The following PHYHIPL variants were observed in gnomAD, a reference collection of about 807,000 sequenced individuals.
The protein encoded by PHYHIPL is phytanoyl-CoA hydroxylase-interacting protein-like.
A neutral mutation model predicts 33.4 loss-of-function variants in PHYHIPL; 9 were observed. The ratio of observed to expected loss-of-function variants is 0.27; its 90% CI spans 0.16 to 0.47. The LOEUF (loss-of-function observed/expected upper bound fraction) is 0.47, where lower values mean the gene tolerates loss of function less well. Ranked by LOEUF, PHYHIPL falls within the 20% of genes least tolerant of loss-of-function variation. PHYHIPL has a pLI of 0.99. For missense variants in PHYHIPL, 365 were observed against 460.7 expected (o/e 0.79, Z 1.90); for synonymous variants, 153 against 154.1 (o/e 0.99, Z 0.05).
intron 1 of PHYHIPL, among the ~76,000 whole-genome samples, chr10:59,183,044 A>G (rs1192958217): frequency 2.0e-5 from 3 of 152,036 alleles, no homozygotes; most frequent in South Asian, 2.1e-4. Flanking sequence ...TCTCTCATAG[A>G]TATTGTTTTA....
intron 1 of PHYHIPL, among the ~76,000 whole-genome samples, chr10:59,227,701 C>G (rs1234113547): frequency 6.6e-6 from 1 of 151,982 alleles, no homozygotes; most frequent in Non-Finnish European, 1.5e-5. Flanking sequence ...AGCTGAAACA[C>G]AATGGTAGAA....
At chr10:59,173,945 T>G (rs1838209707), upstream of PHYHIPL, among the ~76,000 whole-genome samples, 1 of 111,732 alleles carries the variant, frequency 8.9e-6, no homozygotes, top group Non-Finnish European at 1.7e-5. Context: ...TTTTTTTTTT[T>G]TTTTTTTTTT....
intron 1 of PHYHIPL, among the ~76,000 whole-genome samples, chr10:59,201,556 T>C (rs1021530790): frequency 1.3e-5 from 2 of 152,210 alleles, no homozygotes; most frequent in Non-Finnish European, 2.9e-5. Flanking sequence ...TGGAGAGTTC[T>C]GTAGATGTCT....
rs1840745843 is a variant in PHYHIPL, at chr10:59,246,786, A to G, written c.*1195A>G. The G allele has an allele frequency of 5.1e-6, 2 of 394,012 alleles. No homozygotes were observed. The highest frequency in any genetic ancestry group is 9.0e-6 in the Non-Finnish European group (2 of 223,142). 24.4% of individuals were successfully genotyped at this position (394,012 alleles called of 1,614,324 possible). A position where few individuals can be genotyped will look rare whatever the true frequency, so the allele number is the denominator to read the frequency against. On this transcript the variant is annotated 3_prime_UTR_variant, in exon 5 of 5. Coordinates refer to ENST00000373880, the MANE Select transcript of PHYHIPL (RefSeq NM_032439.4). Reference sequence around the variant, plus strand: ...AAATGTATATTCCCAATGAAAAAATAGTTATATCATCTTATAGTAAACCAA... The same window carrying G: ...AAATGTATATTCCCAATGAAAAAATGGTTATATCATCTTATAGTAAACCAA...
chr10:59,180,851 C>T (rs1838396932), intron 1 of PHYHIPL, among the ~76,000 whole-genome samples: 1 of 152,230 alleles, frequency 6.6e-6, no homozygotes, highest in African/African-American at 2.4e-5. Context: ...CTTAATAGCA[C>T]AGTGATGTTA....
upstream of PHYHIPL, among the ~76,000 whole-genome samples, chr10:59,176,166 T>C (rs1838244366): frequency 6.6e-6 from 1 of 152,152 alleles, no homozygotes; most frequent in Non-Finnish European, 1.5e-5. Flanking sequence ...TCCTGGGACC[T>C]TCAGGGGAGG....
chr10:59,218,109 G>A lies in PHYHIPL; in HGVS notation c.107-16195G>A, dbSNP rs911018013. On this transcript the variant is annotated intron_variant, in intron 1 of 4. Transcript: ENST00000373880. ...TTGGGGGTTCTAACTAGCTGTTTTT[G>A]GTTTTGAACATTTTGGGCCTGGATA... Among the ~76,000 whole-genome samples the A allele has an allele frequency of 1.3e-4, 20 of 152,036 alleles. No homozygotes were observed. In the East Asian group the frequency reaches 3.9e-3, roughly 29 times the overall value.
chr10:59,193,523 C>T (rs1838834182), intron 1 of PHYHIPL, among the ~76,000 whole-genome samples: 1 of 152,092 alleles, frequency 6.6e-6, no homozygotes, highest in African/African-American at 2.4e-5. Flanking sequence ...AAATTGAACA[C>T]ATATGTCCAA....
chr10:59,196,741 G>T lies in PHYHIPL; in HGVS notation c.106+19782G>T, dbSNP rs567352675. ...CAAGTACACTGTCAACATTTTTTAT[G>T]CAGGGGTATGAGATGAAAAAAGTTT... On this transcript the variant is annotated intron_variant, in intron 1 of 4. Coordinates refer to ENST00000373880, the MANE Select transcript of PHYHIPL (RefSeq NM_032439.4). Among the ~76,000 whole-genome samples, 131 of 152,178 alleles carry T rather than the reference G, an allele frequency of 8.6e-4. 3 individuals carry two copies. Among genetic ancestry groups the T allele is most frequent in the Non-Finnish European group, 1.3e-3 (90 of 68,002 alleles).
At chr10:59,208,970 C>T (rs899436443) in intron 1 of PHYHIPL, among the ~76,000 whole-genome samples, 2 of 152,112 alleles carry the variant, frequency 1.3e-5, no homozygotes, top group Non-Finnish European at 2.9e-5. Context: ...CTGAAAGTGA[C>T]AGGGAGAATG....
intron 1 of PHYHIPL, among the ~76,000 whole-genome samples, chr10:59,180,141 A>G (rs1838362960): frequency 6.6e-6 from 1 of 151,018 alleles, no homozygotes; most frequent in South Asian, 2.1e-4. Flanking sequence ...ATGGGAGCCC[A>G]TTTACAGTTT....
chr10:59,211,446 G>A (rs942674588), intron 1 of PHYHIPL, among the ~76,000 whole-genome samples: 9 of 151,904 alleles, frequency 5.9e-5, no homozygotes, highest in Admixed American at 1.3e-4. Context: ...GCATGATCTC[G>A]GCTCACTGCA....
chr10:59,245,893 A>G lies in PHYHIPL; in HGVS notation c.*302A>G, dbSNP rs571403332. On this transcript the variant is annotated 3_prime_UTR_variant, in exon 5 of 5. Transcript: ENST00000373880. ...ATGCCAAACATAACAAAACAGTTAT[A>G]TAGACTGCTTTAGCAAAGTACACAA... 20 of 303,754 alleles carry G rather than the reference A, an allele frequency of 6.6e-5. No individual in the cohort carries two copies. The highest frequency in any genetic ancestry group is 4.1e-4 in the African/African-American group (19 of 46,286). 18.8% of individuals were successfully genotyped at this position (303,754 alleles called of 1,614,324 possible).
At chr10:59,206,754 T>C in intron 1 of PHYHIPL, 1 of 1,224,994 alleles carries the variant, frequency 8.2e-7, no homozygotes, top group Non-Finnish European at 1.0e-6. Flanking sequence ...TATTTTTTAG[T>C]TGTTTTTGAA....
chr10:59,234,331 CA>C lies in PHYHIPL; in HGVS notation c.135del (p.Glu46ArgfsTer13). Reference sequence around the variant, plus strand: ...AACAAATCACAAGACAGTGGCATAGCAGAGATGGAAGAACTTCCTGTACCAC... The same window carrying C: ...AACAAATCACAAGACAGTGGCATAGCGAGATGGAAGAACTTCCTGTACCAC... ...DGNKSQDSGI[A>X]EMEELPVPHN... On this transcript the variant is annotated frameshift_variant, in exon 2 of 5. Coordinates refer to ENST00000373880, the MANE Select transcript of PHYHIPL (RefSeq NM_032439.4). LOFTEE classifies it high-confidence loss of function. 1 of 1,593,458 alleles carries C rather than the reference CA, an allele frequency of 6.3e-7. No homozygotes were observed. Among genetic ancestry groups the C allele is most frequent in the Non-Finnish European group, 8.5e-7 (1 of 1,173,174 alleles).
intron 1 of PHYHIPL, among the ~76,000 whole-genome samples, chr10:59,221,102 T>C (rs1839759254): frequency 6.6e-6 from 1 of 151,796 alleles, no homozygotes; most frequent in Admixed American, 6.6e-5. Flanking sequence ...GACTAGACTC[T>C]AATGTCTAAA....
chr10:59,226,147 G>A (rs1839915732), intron 1 of PHYHIPL, among the ~76,000 whole-genome samples: 1 of 142,340 alleles, frequency 7.0e-6, no homozygotes, highest in African/African-American at 3.1e-5. Context: ...ATTGAGAACA[G>A]GAGAGAACAT....
intron 4 of PHYHIPL, among the ~76,000 whole-genome samples, chr10:59,244,218 A>G (rs1840537050): frequency 6.6e-6 from 1 of 152,232 alleles, no homozygotes; most frequent in Admixed American, 6.5e-5. Context: ...AATAACTAGC[A>G]CTGTTTTAAG....
rs538507120 is a variant in PHYHIPL at position 59,208,798 on chromosome 10, G to A, written c.107-25506G>A. Among the ~76,000 whole-genome samples, 195 of 151,916 alleles carry A rather than the reference G, an allele frequency of 1.3e-3. 1 individual carries two copies. Among genetic ancestry groups the A allele is most frequent in the African/African-American group, 4.5e-3 (187 of 41,408 alleles). On this transcript the variant is annotated intron_variant, in intron 1 of 4. Coordinates refer to ENST00000373880, the MANE Select transcript of PHYHIPL (RefSeq NM_032439.4). ...GAAGCATACACAAGTATCAATAGCC[G>A]AATTGATCAAGCAGAAGAAAAGATA...
Sources: gnomAD v4.1 joint callset for allele counts (sites outside exome capture counted in the v4.1 genomes callset) on GRCh38, gnomAD v4.1.1 for gene constraint, MANE v1.5 for transcripts, NCBI Gene and HGNC (gene_info 2026-07-23, HGNC 2026-07-21) for gene names.